Variants in GUCY2C observed in about 807,000 individuals in gnomAD.
GUCY2C encodes the protein guanylyl cyclase C.
Under a neutral mutation model 131.1 loss-of-function variants are expected in GUCY2C, and 118 were observed. That is an observed-to-expected ratio of 0.90 (90% CI 0.78 to 1.05). The LOEUF (loss-of-function observed/expected upper bound fraction) is 1.05, where lower values mean the gene tolerates loss of function less well. Ranked by LOEUF, GUCY2C falls within the 50% of genes least tolerant of loss-of-function variation. The pLI is 0.00. For missense variants in GUCY2C, 1,161 were observed against 1,304.4 expected (o/e 0.89, Z 1.69); for synonymous variants, 452 against 457.8 (o/e 0.99, Z 0.16).
chr12:14,638,772 A>G (rs1434392536), intron 19 of GUCY2C, among the ~76,000 whole-genome samples: 1 of 152,186 alleles, frequency 6.6e-6, no homozygotes, highest in African/African-American at 2.4e-5. Context: ...GTTAGAAGGA[A>G]TAAGTTATAA....
intron 2 of GUCY2C, 95 bp downstream of exon 2, chr12:14,687,856 G>A: frequency 1.4e-6 from 1 of 729,612 alleles, no homozygotes; most frequent in South Asian, 1.5e-5. Context: ...TAGAGATGAT[G>A]GGAGAGCTGC....
intron 5 of GUCY2C, 62 bp downstream of exon 5, chr12:14,681,294 T>C (rs1948342456): frequency 1.4e-6 from 2 of 1,443,610 alleles, no homozygotes; most frequent in Admixed American, 1.7e-5. Flanking sequence ...AAATGACTTA[T>C]AAGGAGGTGG....
intron 12 of GUCY2C, among the ~76,000 whole-genome samples, chr12:14,653,610 T>A (rs554245006): frequency 6.6e-6 from 1 of 152,348 alleles, no homozygotes; most frequent in Admixed American, 6.5e-5. Flanking sequence ...ACATAGGCAC[T>A]CACAACTGCA....
intron 12 of GUCY2C, among the ~76,000 whole-genome samples, chr12:14,653,561 T>C (rs967173644): frequency 3.3e-5 from 5 of 152,260 alleles, no homozygotes; most frequent in African/African-American, 1.2e-4. Flanking sequence ...TGGCAATTAA[T>C]TTTTAAAATG....
In GUCY2C at chr12:14,673,866, G is replaced by A. The variant is rs137997291; in HGVS notation, c.1084+759C>T. ...TCTCCCTCCCTGCATCTTCAGTGAA[G>A]CAGAAGTGATCTCTTCCTGCCATTG... On this transcript the variant is annotated intron_variant, in intron 8 of 26. Transcript: ENST00000261170. 3.6e-3 allele frequency among the ~76,000 whole-genome samples: 545 copies of A among 152,258 alleles called. 2 individuals carry two copies. The highest frequency in any genetic ancestry group is 0.02 in the Middle Eastern group (6 of 294).
Position 14,628,674 on chromosome 12 carries a change from T to A in GUCY2C, c.2221A>T (p.Ile741Phe), listed in dbSNP as rs145875994. 6.3e-7 allele frequency: 1 copy of A among 1,579,584 alleles called. No homozygotes were observed. Among genetic ancestry groups the A allele is most frequent in the Non-Finnish European group, 8.7e-7 (1 of 1,149,014 alleles). ...AATATCTTGGCAAGTGTAGTCTCAA[T>A]TTTTTTGAAATCTGGTCTCTTTTCT... The part of the protein sequence containing the change: ...DPEKRPDFKK[I>F]ETTLAKIFGL... The change falls in exon 20 of 27, where the codon ATT becomes TTT. Residue 741 changes from isoleucine to phenylalanine, a missense_variant. Coordinates refer to ENST00000261170, the MANE Select transcript of GUCY2C (RefSeq NM_004963.4).
In GUCY2C at chr12:14,695,056, G is replaced by A. The variant is rs139864440; in HGVS notation, c.217+1176C>T. 2.3e-3 allele frequency among the ~76,000 whole-genome samples: 346 copies of A among 151,812 alleles called. 1 individual carries two copies. Among genetic ancestry groups the A allele is most frequent in the African/African-American group, 8.0e-3 (333 of 41,388 alleles). On this transcript the variant is annotated intron_variant, in intron 1 of 26. Transcript: ENST00000261170. ...CATACTGGATATTATAATATCTGGCGGATATTATATATCAATTCACATGAT... is the reference window on the plus strand; with the variant it reads ...CATACTGGATATTATAATATCTGGCAGATATTATATATCAATTCACATGAT...
At chr12:14,647,335 T>C (rs1007841433) in intron 15 of GUCY2C, among the ~76,000 whole-genome samples, 2 of 152,180 alleles carry the variant, frequency 1.3e-5, no homozygotes, top group African/African-American at 4.8e-5. Flanking sequence ...TGTGTGTATG[T>C]ATATGTTTTT....
At position 14,671,432 on chromosome 12, in the gene GUCY2C, C is replaced by G. The variant is rs146080703; in HGVS notation, c.1170+1441G>C. ...GGAATACAGGGGTGAGCCACTGCACCCTGCCCAATGTTACATTTTCATAAC... is the reference window on the plus strand; with the variant it reads ...GGAATACAGGGGTGAGCCACTGCACGCTGCCCAATGTTACATTTTCATAAC... On this transcript the variant is annotated intron_variant, in intron 9 of 26. Transcript: ENST00000261170. 3.1e-3 allele frequency among the ~76,000 whole-genome samples: 472 copies of G among 152,214 alleles called. 1 individual carries two copies. The highest frequency in any genetic ancestry group is 5.0e-3 in the Non-Finnish European group (338 of 68,002).
chr12:14,658,437 G>A (rs866337333), intron 11 of GUCY2C, among the ~76,000 whole-genome samples: 15 of 152,152 alleles, frequency 9.9e-5, no homozygotes, highest in African/African-American at 3.6e-4. Context: ...AGTACATTGG[G>A]AGGCCAAGGT....
At chr12:14,668,385 G>T (rs1396098853) in intron 10 of GUCY2C, among the ~76,000 whole-genome samples, 1 of 152,108 alleles carries the variant, frequency 6.6e-6, no homozygotes, top group African/African-American at 2.4e-5. Context: ...TGGTCAGGCT[G>T]GTCTCGAACT....
At chr12:14,674,241 GT>G (rs1294904763) in intron 8 of GUCY2C, 1 of 290,332 alleles carries the variant, frequency 3.4e-6, no homozygotes, top group Non-Finnish European at 6.7e-6. Flanking sequence ...TTAACACAGG[GT>G]CCCAGATCCT....
intron 2 of GUCY2C, among the ~76,000 whole-genome samples, chr12:14,687,036 C>G (rs1422163979): frequency 2.0e-5 from 3 of 152,144 alleles, no homozygotes; most frequent in African/African-American, 7.2e-5. Flanking sequence ...GAGCTTTTAA[C>G]CCTCTTTATT....
At chr12:14,623,794 C>T (rs1372782792) in intron 21 of GUCY2C, among the ~76,000 whole-genome samples, 1 of 151,624 alleles carries the variant, frequency 6.6e-6, no homozygotes, top group African/African-American at 2.4e-5. Context: ...CCCCTTTGCT[C>T]TCTCTCTCTC....
In GUCY2C at chr12:14,622,068, C is replaced by T; in HGVS notation, c.2538G>A (p.Val846=). Residue 846 remains valine (V), a synonymous_variant, in exon 22 of 27, where the codon GTG becomes GTA. Transcript: ENST00000261170. Reference sequence around the variant, plus strand: ...TCTTATAGATGTCATTAAGCATGTCCACCACTTCCATGGGGGTGCTGTATT... The same window carrying T: ...TCTTATAGATGTCATTAAGCATGTCTACCACTTCCATGGGGGTGCTGTATT... ...ICKYSTPMEV[V]DMLNDIYKSF... 1 of 1,610,212 alleles carries T rather than the reference C, an allele frequency of 6.2e-7. No homozygotes were observed. The highest frequency in any genetic ancestry group is 1.3e-5 in the African/African-American group (1 of 74,852).
Position 14,613,006 on chromosome 12 carries a change from A to G in GUCY2C, c.*111T>C. ...AGACAGGGCAGCCAAGCCTAAGTACATTTCTGCTTCATTGAGGTCTCAGGA... is the reference window on the plus strand; with the variant it reads ...AGACAGGGCAGCCAAGCCTAAGTACGTTTCTGCTTCATTGAGGTCTCAGGA... On this transcript the variant is annotated 3_prime_UTR_variant, in exon 27 of 27. Coordinates refer to ENST00000261170, the MANE Select transcript of GUCY2C (RefSeq NM_004963.4). This position sits in a 1 kb window ranked among gnomAD's most constrained non-coding sequence, Gnocchi z 4.9. 1.2e-6 allele frequency: 1 copy of G among 851,270 alleles called. No individual in the cohort carries two copies. The highest frequency in any genetic ancestry group is 1.9e-6 in the Non-Finnish European group (1 of 522,312). 52.7% of individuals were successfully genotyped at this position (851,270 alleles called of 1,614,324 possible).
chr12:14,693,216 C>A (rs1948604310), intron 1 of GUCY2C, among the ~76,000 whole-genome samples: 1 of 152,108 alleles, frequency 6.6e-6, no homozygotes, highest in Admixed American at 6.5e-5. Context: ...AGAACTCTCT[C>A]TTCCTATCTA....
intron 19 of GUCY2C, among the ~76,000 whole-genome samples, chr12:14,630,344 A>G (rs528049484): frequency 6.6e-6 from 1 of 152,102 alleles, no homozygotes; most frequent in Non-Finnish European, 1.5e-5. Context: ...GAATAGGCAG[A>G]AACAGCAAAC....
chr12:14,658,187 A>C (rs768520620), intron 11 of GUCY2C, among the ~76,000 whole-genome samples: 39 of 152,130 alleles, frequency 2.6e-4, no homozygotes, highest in Non-Finnish European at 4.7e-4. Context: ...GTTAACTTAC[A>C]TAAGTTCTTA....
Sources: allele counts gnomAD v4.1 joint callset (sites outside exome capture counted in the v4.1 genomes callset), GRCh38; gene constraint gnomAD v4.1.1; non-coding constraint Gnocchi (gnomAD v3.1); transcripts MANE v1.5; gene names NCBI Gene and HGNC (gene_info 2026-07-23, HGNC 2026-07-21).